Variants in WDR70 observed in about 807,000 individuals in gnomAD.
WDR70 encodes the protein WD repeat domain 70.
Under a neutral mutation model 88.6 loss-of-function variants are expected in WDR70, and 53 were observed. The observed-to-expected ratio is 0.60, with a 90% CI of 0.48 to 0.75. WDR70 has a LOEUF of 0.75. Among genes scored for constraint, WDR70 ranks in the 30% least tolerant of loss-of-function variants. The pLI is 0.00. For missense variants in WDR70, 610 were observed against 823.2 expected, an observed-to-expected ratio of 0.74 and a Z score of 3.17; for synonymous variants, 280 against 270.0, an observed-to-expected ratio of 1.04 and a Z score of -0.36.
At chr5:37,603,613 C>T (rs779581321) in intron 9 of WDR70, among the ~76,000 whole-genome samples, 7 of 152,140 alleles carry the variant, frequency 4.6e-5, no homozygotes, top group African/African-American at 7.2e-5. Flanking sequence ...AAAGCGATTG[C>T]ATTGAAACTA....
chr5:37,716,924 G>A (rs1157035226), intron 13 of WDR70, among the ~76,000 whole-genome samples: 6 of 151,912 alleles, frequency 3.9e-5, no homozygotes, highest in Non-Finnish European at 7.4e-5. Flanking sequence ...GCTCGACATC[G>A]TGCTCTCTTT....
At chr5:37,640,256 C>T (rs1327932938) in intron 10 of WDR70, among the ~76,000 whole-genome samples, 2 of 152,128 alleles carry the variant, frequency 1.3e-5, no homozygotes. Flanking sequence ...TCCTCAAATA[C>T]CTGTTCCACA....
At chr5:37,575,045 C>T (rs753208404) in intron 9 of WDR70, among the ~76,000 whole-genome samples, 3 of 152,210 alleles carry the variant, frequency 2.0e-5, no homozygotes, top group South Asian at 2.1e-4. Flanking sequence ...ATGAAAGCTC[C>T]GTGAGGGCAA....
chr5:37,714,458 C>T (rs939778398), intron 13 of WDR70, among the ~76,000 whole-genome samples: 1 of 152,154 alleles, frequency 6.6e-6, no homozygotes, highest in African/African-American at 2.4e-5. Flanking sequence ...CTTCTCACAA[C>T]CTGGTCTCCA....
At chr5:37,487,500 T>C (rs963896091) in intron 8 of WDR70, among the ~76,000 whole-genome samples, 4 of 150,436 alleles carry the variant, frequency 2.7e-5, no homozygotes, top group Non-Finnish European at 5.9e-5. Flanking sequence ...TATTATATAC[T>C]TCATATGTAA....
chr5:37,565,702 G>T (rs1482766579), intron 9 of WDR70, among the ~76,000 whole-genome samples: 3 of 151,926 alleles, frequency 2.0e-5, no homozygotes, highest in Non-Finnish European at 4.4e-5. Flanking sequence ...TTTTTAAATG[G>T]GTTCATCAAG....
At chr5:37,734,393 A>T (rs1031059085) in intron 17 of WDR70, among the ~76,000 whole-genome samples, 1 of 152,126 alleles carries the variant, frequency 6.6e-6, no homozygotes. Flanking sequence ...TAAGAATCCA[A>T]TTCTTTATTT....
At chr5:37,559,157 C>G (rs530234379) in intron 9 of WDR70, among the ~76,000 whole-genome samples, 1 of 152,230 alleles carries the variant, frequency 6.6e-6, no homozygotes, top group Admixed American at 6.5e-5. Context: ...TGGTCTCGAA[C>G]TCCTGACCTT....
intron 10 of WDR70, among the ~76,000 whole-genome samples, chr5:37,680,796 C>G (rs1746408093): frequency 6.6e-6 from 1 of 152,168 alleles, no homozygotes; most frequent in Non-Finnish European, 1.5e-5. Flanking sequence ...ATTTTGGTTA[C>G]TGTTACCCTG....
At chr5:37,494,996 A>G (rs758163566) in intron 8 of WDR70, among the ~76,000 whole-genome samples, 1 of 152,244 alleles carries the variant, frequency 6.6e-6, no homozygotes, top group Non-Finnish European at 1.5e-5. Flanking sequence ...TTAATTTACT[A>G]TTCCCTGTGA....
At chr5:37,479,748 A>AT (rs1031743522) in intron 7 of WDR70, 86 bp from the exon 8 acceptor site, 3,254 of 1,367,284 alleles carry the variant, frequency 2.4e-3, no homozygotes, top group Non-Finnish European at 2.6e-3. Context: ...TTTGTGTAAC[A>AT]TTTTTTTTTC....
At chr5:37,399,419 CA>C (rs950538639) in intron 5 of WDR70, among the ~76,000 whole-genome samples, 2 of 151,638 alleles carry the variant, frequency 1.3e-5, no homozygotes, top group African/African-American at 2.4e-5. Context: ...GACTCTGTCT[CA>C]AAAAAAAATT....
intron 7 of WDR70, among the ~76,000 whole-genome samples, chr5:37,445,145 A>G (rs1178211040): frequency 6.6e-6 from 1 of 152,218 alleles, no homozygotes; most frequent in African/African-American, 2.4e-5. Flanking sequence ...ATTATATTGT[A>G]TCACTTCAGA....
chr5:37,437,206 A>C (rs1750494194), intron 5 of WDR70, among the ~76,000 whole-genome samples: 2 of 152,194 alleles, frequency 1.3e-5, no homozygotes, highest in African/African-American at 4.8e-5. Context: ...ACTTCAGTAA[A>C]TGCTTATTGA....
Position 37,381,674 on chromosome 5 carries a change from G to T in WDR70, c.164G>T (p.Arg55Leu), listed in dbSNP as rs780037250. The change falls in exon 3 of 18, where the codon CGC becomes CTC. Residue 55 changes from arginine to leucine, a missense_variant. Coordinates refer to ENST00000265107, the MANE Select transcript of WDR70 (RefSeq NM_018034.4). ...QTRRTAVERS[R>L]KTLEAREKEE... Reference sequence around the variant, plus strand: ...CGAAGGACAGCTGTGGAAAGAAGTCGCAAAACACTGGGTAAGAAGCTCAGA... The same window carrying T: ...CGAAGGACAGCTGTGGAAAGAAGTCTCAAAACACTGGGTAAGAAGCTCAGA... 2.5e-6 allele frequency: 4 copies of T among 1,610,100 alleles called. No individual in the cohort carries two copies. The East Asian group carries it at 6.7e-5, about 27-fold the overall frequency.
chr5:37,390,480 C>T (rs571237141), intron 3 of WDR70, among the ~76,000 whole-genome samples: 76 of 151,488 alleles, frequency 5.0e-4, no homozygotes, highest in Non-Finnish European at 9.9e-4. Context: ...GCTGGGACTA[C>T]AGGCGCCGGC....
At chr5:37,593,111 A>C (rs1043872805) in intron 9 of WDR70, among the ~76,000 whole-genome samples, 1 of 152,176 alleles carries the variant, frequency 6.6e-6, no homozygotes, top group African/African-American at 2.4e-5. Flanking sequence ...CTGTGATCAC[A>C]CCACTGTACT....
intron 9 of WDR70, among the ~76,000 whole-genome samples, chr5:37,526,310 G>T (rs1444799987): frequency 6.6e-6 from 1 of 152,146 alleles, no homozygotes; most frequent in Non-Finnish European, 1.5e-5. Flanking sequence ...TCATCCCAGG[G>T]ATGCAAGGCT....
At chr5:37,623,928 G>A (rs569987638) in intron 10 of WDR70, among the ~76,000 whole-genome samples, 1 of 152,170 alleles carries the variant, frequency 6.6e-6, no homozygotes, top group South Asian at 2.1e-4. Context: ...GGCATACATA[G>A]TGACGAATTG....
Sources: gnomAD v4.1 joint callset for allele counts (sites outside exome capture counted in the v4.1 genomes callset) on GRCh38, gnomAD v4.1.1 for gene constraint, MANE v1.5 for transcripts, NCBI Gene and HGNC (gene_info 2026-07-23, HGNC 2026-07-21) for gene names.